The following GPC5 variants were observed in gnomAD, a reference collection of about 807,000 sequenced individuals.
GPC5 encodes the protein glypican-5.
A neutral mutation model predicts 53.9 loss-of-function variants in GPC5; 47 were observed. The ratio of observed to expected loss-of-function variants is 0.87; its 90% confidence interval spans 0.69 to 1.11. The LOEUF (loss-of-function observed/expected upper bound fraction) is 1.11. GPC5 is among the 50% of genes most tolerant of loss of function. The pLI is 0.00. For missense variants in GPC5, 748 were observed against 713.1 expected (o/e 1.05, Z -0.56); for synonymous variants, 286 against 263.3 (o/e 1.09, Z -0.84).
chr13:91,648,958 C>T (rs549047409), intron 2 of GPC5, among the ~76,000 whole-genome samples: 1 of 152,268 alleles, frequency 6.6e-6, no homozygotes, highest in South Asian at 2.1e-4. Context: ...CCATAATCCC[C>T]ATGTGTCATG....
chr13:92,718,253 A>ATGTT (rs1888395775), intron 7 of GPC5, among the ~76,000 whole-genome samples: 1 of 152,134 alleles, frequency 6.6e-6, no homozygotes, highest in African/African-American at 2.4e-5. Flanking sequence ...CTGTACTACC[A>ATGTT]TGTTTAGTGC....
chr13:92,088,716 A>C (rs1346840468), intron 6 of GPC5, among the ~76,000 whole-genome samples: 2 of 152,132 alleles, frequency 1.3e-5, no homozygotes, highest in Non-Finnish European at 2.9e-5. Context: ...CTGTGTATAT[A>C]TATCACATAT....
At chr13:92,755,978 T>G (rs1187932946) in intron 7 of GPC5, among the ~76,000 whole-genome samples, 4 of 151,818 alleles carry the variant, frequency 2.6e-5, no homozygotes, top group Admixed American at 2.0e-4. Context: ...TAACTCATTT[T>G]ATGAGGCCAG....
chr13:91,426,343 T>C (rs1879048797), intron 1 of GPC5, among the ~76,000 whole-genome samples: 1 of 152,184 alleles, frequency 6.6e-6, no homozygotes, highest in Non-Finnish European at 1.5e-5. Flanking sequence ...GCATCAGGAC[T>C]TGGTGCCCCT....
intron 7 of GPC5, among the ~76,000 whole-genome samples, chr13:92,802,436 T>C (rs1426038952): frequency 6.6e-6 from 1 of 151,900 alleles, no homozygotes; most frequent in Non-Finnish European, 1.5e-5. Flanking sequence ...ATATTTATTA[T>C]ACTTTAAGTT....
At chr13:92,460,506 C>A (rs1878435812) in intron 7 of GPC5, among the ~76,000 whole-genome samples, 1 of 151,898 alleles carries the variant, frequency 6.6e-6, no homozygotes. Context: ...AAATTAAAAA[C>A]AATTAGTATA....
chr13:91,529,472 TTTATCTC>T, intron 2 of GPC5, among the ~76,000 whole-genome samples: 1 of 152,314 alleles, frequency 6.6e-6, no homozygotes, highest in African/African-American at 2.4e-5. Flanking sequence ...TCCGAAGACA[TTTATCTC>T]TCTTTGATTC....
rs564051936 is a variant in GPC5 at position 92,458,616 on chromosome 13, A to T, written c.1561+313627A>T. Among the ~76,000 whole-genome samples the T allele has an allele frequency of 2.4e-4, 36 of 150,372 alleles. No individual in the cohort carries two copies. The South Asian group carries it at 4.8e-3, about 20-fold the overall frequency. On this transcript the variant is annotated intron_variant, in intron 7 of 7. Transcript: ENST00000377067. The stretch of plus-strand genomic sequence containing the variant: ...CCCTGCCTTACTTATTCTTTTTTTT[A>T]AAAGAAAGGGAGGGAAAAAGAGAGG...
intron 7 of GPC5, among the ~76,000 whole-genome samples, chr13:92,666,976 A>G (rs192050936): frequency 1.4e-3 from 216 of 152,270 alleles, no homozygotes; most frequent in African/African-American, 4.8e-3. Flanking sequence ...GAAAATAGGG[A>G]AAAATGCCAC....
intron 2 of GPC5, among the ~76,000 whole-genome samples, chr13:91,594,595 A>G (rs904691004): frequency 6.7e-6 from 1 of 149,676 alleles, no homozygotes. Flanking sequence ...CAGATACAGA[A>G]GCAAACACTA....
At chr13:92,006,183 G>A (rs1213312782) in intron 6 of GPC5, among the ~76,000 whole-genome samples, 1 of 148,666 alleles carries the variant, frequency 6.7e-6, no homozygotes, top group African/African-American at 2.6e-5. Context: ...TATACAGTAA[G>A]TATTATCTGT....
intron 2 of GPC5, among the ~76,000 whole-genome samples, chr13:91,474,174 A>G (rs539161140): frequency 6.6e-6 from 1 of 152,228 alleles, no homozygotes; most frequent in South Asian, 2.1e-4. Context: ...TTTTTGATGG[A>G]GACATTTTGC....
chr13:92,600,862 C>T (rs146656495), intron 7 of GPC5, among the ~76,000 whole-genome samples: 29 of 152,156 alleles, frequency 1.9e-4, no homozygotes, highest in African/African-American at 6.0e-4. Flanking sequence ...TGTGTATAAG[C>T]ATGTTAAATT....
Position 92,321,595 on chromosome 13 carries a change from C to T in GPC5, c.1561+176606C>T, listed in dbSNP as rs1445423754. ...TTCAGCCTGGGACAGAGCGAGACTC[C>T]ATCTCAAACATACATACATACATAC... On this transcript the variant is annotated intron_variant, in intron 7 of 7. Transcript: ENST00000377067. Among the ~76,000 whole-genome samples, 3 of 151,114 alleles carry T rather than the reference C, an allele frequency of 2.0e-5. No individual in the cohort carries two copies. In the Admixed American group the frequency reaches 2.0e-4, roughly 10 times the overall value.
Position 92,765,882 on chromosome 13 carries a change from T to C in GPC5, c.1562-100400T>C, listed in dbSNP as rs1378099322. ...GTATTTATATAGAAAGAAAATAAAT[T>C]TTATTAATATAATTTAAATATAATA... is the stretch of plus-strand genomic sequence containing the variant. On this transcript the variant is annotated intron_variant, in intron 7 of 7. Coordinates refer to ENST00000377067, the MANE Select transcript of GPC5 (RefSeq NM_004466.6). Among the ~76,000 whole-genome samples, 5 of 151,750 alleles carry C rather than the reference T, an allele frequency of 3.3e-5. No homozygotes were observed. The East Asian group carries it at 9.6e-4, about 29-fold the overall frequency.
At chr13:92,367,291 A>C (rs950721208) in intron 7 of GPC5, among the ~76,000 whole-genome samples, 3 of 152,176 alleles carry the variant, frequency 2.0e-5, no homozygotes, top group Admixed American at 1.3e-4. Context: ...AAATGATCTT[A>C]ATATTACATG....
At chr13:92,254,488 G>C (rs2042713440) in intron 7 of GPC5, among the ~76,000 whole-genome samples, 1 of 152,100 alleles carries the variant, frequency 6.6e-6, no homozygotes, top group Non-Finnish European at 1.5e-5. Flanking sequence ...GAAAGGAATT[G>C]TTGATTTTTA....
At chr13:91,649,335 T>C (rs942838931) in intron 2 of GPC5, among the ~76,000 whole-genome samples, 4 of 152,178 alleles carry the variant, frequency 2.6e-5, no homozygotes, top group African/African-American at 9.7e-5. Context: ...CTACATTGGA[T>C]ATACCACATT....
In GPC5 at chr13:91,673,763, C is replaced by T. The variant is rs549898677; in HGVS notation, c.326-19424C>T. On this transcript the variant is annotated intron_variant, in intron 2 of 7. Coordinates refer to ENST00000377067, the MANE Select transcript of GPC5 (RefSeq NM_004466.6). ...GCCCATAGCAGGCATCCAGTGAACA[C>T]CAGAAAATAATAGAAAAATTATAGA... 2.2e-3 allele frequency among the ~76,000 whole-genome samples: 333 copies of T among 152,258 alleles called. 1 individual carries two copies. Among genetic ancestry groups the T allele is most frequent in the African/African-American group, 7.4e-3 (309 of 41,556 alleles).
Sources: gnomAD v4.1 joint callset for allele counts (sites outside exome capture counted in the v4.1 genomes callset) on GRCh38, gnomAD v4.1.1 for gene constraint, MANE v1.5 for transcripts, NCBI Gene and HGNC (gene_info 2026-07-23, HGNC 2026-07-21) for gene names.